ZNF765: variants seen among roughly 807,000 people sequenced by gnomAD.
The protein encoded by ZNF765 is zinc finger protein 765.
ZNF765 carries 37 observed loss-of-function variants against 44.7 expected under a neutral mutation model. The ratio of observed to expected loss-of-function variants is 0.83; its 90% CI spans 0.64 to 1.09. ZNF765 has a LOEUF of 1.09. Ranked by LOEUF, ZNF765 falls within the 50% of genes least tolerant of loss-of-function variation. The probability of loss-of-function intolerance (pLI) is 0.00; values close to 1 mark genes in which losing one functional copy is unlikely to be tolerated. For synonymous variants in ZNF765, 201 were observed against 213.7 expected (o/e 0.94, Z 0.52); for missense variants, 594 against 626.1 (o/e 0.95, Z 0.55).
chr19:53,402,216 A>C, intron 3 of ZNF765, 25 bp downstream of exon 3: 1 of 1,368,016 alleles, frequency 7.3e-7, no homozygotes, highest in Non-Finnish European at 1.0e-6. Flanking sequence ...CCTCCTGGGG[A>C]TGTGCCCTTG....
At chr19:53,415,018 TC>T (rs748218947), downstream of ZNF765, among the ~76,000 whole-genome samples, 4 of 152,158 alleles carry the variant, frequency 2.6e-5, no homozygotes, top group Non-Finnish European at 4.4e-5. Context: ...ACACCTGTAA[TC>T]CCAGCACTTT....
chr19:53,409,723 C>T lies in ZNF765; in HGVS notation c.*596C>T. The T allele has an allele frequency of 1.0e-6, 1 of 991,696 alleles. No homozygotes were observed. Among genetic ancestry groups the T allele is most frequent in the Admixed American group, 1.7e-5 (1 of 57,558 alleles). The allele number at this position is 991,696 out of a possible 1,614,324, so 61.4% of individuals were successfully genotyped here. On this transcript the variant is annotated 3_prime_UTR_variant, in exon 4 of 4. Coordinates refer to ENST00000396408, the MANE Select transcript of ZNF765 (RefSeq NM_001040185.3). Reference sequence around the variant, plus strand: ...ACAAATGTAATGAGTGTGGCAAGACCTTTAGTCAGAACTCATACCTTACAT... The same window carrying T: ...ACAAATGTAATGAGTGTGGCAAGACTTTTAGTCAGAACTCATACCTTACAT...
Position 53,409,102 on chromosome 19 carries a change from A to G in ZNF765, c.1547A>G (p.Tyr516Cys), listed in dbSNP as rs193292225. The change falls in exon 4 of 4, where the codon TAT (tyrosine) becomes TGT (cysteine). Residue 516 changes from tyrosine to cysteine, a missense_variant. Physicochemically the swap from Tyr to Cys is radical, Grantham distance 194. Coordinates refer to ENST00000396408, the MANE Select transcript of ZNF765 (RefSeq NM_001040185.3). ...KSNLERHRRI[Y>C]TGEKLHV ...AACCTTGAAAGACATAGGAGAATTTATACTGGAGAGAAACTACACGTGTAA... is the reference window on the plus strand; with the variant it reads ...AACCTTGAAAGACATAGGAGAATTTGTACTGGAGAGAAACTACACGTGTAA... 1.2e-4 allele frequency: 188 copies of G among 1,613,862 alleles called. No homozygotes were observed. The African/African-American group carries it at 1.8e-3, about 16-fold the overall frequency.
chr19:53,407,031 AG>A lies in ZNF765; in HGVS notation c.143-666del, dbSNP rs919832674. On this transcript the variant is annotated intron_variant, in intron 3 of 3. Coordinates refer to ENST00000396408, the MANE Select transcript of ZNF765 (RefSeq NM_001040185.3). ...AACATTGTATTAACATTTTTTTTCA[AG>A]ATGGAATCTCACTTTGTCACCCAGG... is the stretch of plus-strand genomic sequence containing the variant. 4.5e-3 allele frequency among the ~76,000 whole-genome samples: 692 copies of A among 152,176 alleles called. 4 individuals carry two copies. The highest frequency in any genetic ancestry group is 0.015 in the African/African-American group (643 of 41,536).
At position 53,410,808 on chromosome 19, in the gene ZNF765, C is replaced by T. The variant is rs997565748; in HGVS notation, c.*1681C>T. 7 of 463,970 alleles carry T rather than the reference C, an allele frequency of 1.5e-5. No individual in the cohort carries two copies. Among genetic ancestry groups the T allele is most frequent in the Non-Finnish European group, 3.1e-5 (7 of 225,870 alleles). The allele number at this position is 463,970 out of a possible 1,614,324, so 28.7% of individuals were successfully genotyped here. On this transcript the variant is annotated 3_prime_UTR_variant, in exon 4 of 4. Transcript: ENST00000396408. The stretch of plus-strand genomic sequence containing the variant: ...CAGTCAAGCTTCATTCTATGCAAAA[C>T]ATAGGAGAATTCATACAGGAGAGAA...
downstream of ZNF765, among the ~76,000 whole-genome samples, chr19:53,414,484 CACACA>C (rs1568786085): frequency 5.5e-4 from 8 of 14,508 alleles, no homozygotes; most frequent in African/African-American, 2.6e-3. Context: ...CACACACACA[CACACA>C]CCCCCCCCCC....
At chr19:53,396,152 G>T (rs2085666942) in intron 1 of ZNF765, among the ~76,000 whole-genome samples, 2 of 152,148 alleles carry the variant, frequency 1.3e-5, no homozygotes, top group African/African-American at 2.4e-5. Context: ...TGGAGCCAGG[G>T]CAGACAGAGC....
chr19:53,425,168 C>T (rs188927833), exon 4 of ZNF765: 1 of 152,340 alleles, frequency 6.6e-6, no homozygotes, highest in Non-Finnish European at 1.5e-5. Context: ...ATGAAACGAG[C>T]CTTGTTAGTG....
At chr19:53,396,146 G>A (rs1568771972) in intron 1 of ZNF765, among the ~76,000 whole-genome samples, 1 of 152,134 alleles carries the variant, frequency 6.6e-6, no homozygotes, top group Non-Finnish European at 1.5e-5. Flanking sequence ...GGGATTTGGA[G>A]CCAGGGCAGA....
At position 53,408,713 on chromosome 19, in the gene ZNF765, T is replaced by C. The variant is rs752057179; in HGVS notation, c.1158T>C (p.Asn386=). The change falls in exon 4 of 4, where the codon AAT becomes AAC. Residue 386 remains asparagine (N), a synonymous_variant. Transcript: ENST00000396408. The part of the protein sequence containing the change: ...VHTGEKPYKC[N]ECSKTFSHKS... ...CTGGAGAGAAACCTTACAAGTGTAA[T>C]GAGTGTAGCAAGACCTTTAGTCACA... The C allele has an allele frequency of 3.3e-6, 5 of 1,532,836 alleles. No individual in the cohort carries two copies. The highest frequency in any genetic ancestry group is 1.2e-5 in the South Asian group (1 of 82,654). 95.0% of individuals were successfully genotyped at this position (1,532,836 alleles called of 1,614,324 possible). A position where few individuals can be genotyped will look rare whatever the true frequency, so the allele number is the denominator to read the frequency against.
chr19:53,419,962 G>A (rs1010319191), intron 3 of ZNF765, among the ~76,000 whole-genome samples: 1 of 151,846 alleles, frequency 6.6e-6, no homozygotes, highest in African/African-American at 2.4e-5. Flanking sequence ...CGAAGGTTGT[G>A]GTGAGCCGAG....
At position 53,400,783 on chromosome 19, in the gene ZNF765, T is replaced by TATATATATATATATATATATATATACAC. The variant is rs10664389; in HGVS notation, c.16-1281_16-1280insTATATATATATATATATATATATACACA. Among the ~76,000 whole-genome samples, 380 of 126,604 alleles carry TATATATATATATATATATATATATACAC rather than the reference T, an allele frequency of 3.0e-3. 1 individual carries two copies. Among genetic ancestry groups the TATATATATATATATATATATATATACAC allele is most frequent in the Non-Finnish European group, 5.1e-3 (307 of 60,686 alleles). 83.1% of individuals were successfully genotyped at this position (126,604 alleles called of 152,430 possible). A position where few individuals can be genotyped will look rare whatever the true frequency, so the allele number is the denominator to read the frequency against. On this transcript the variant is annotated intron_variant, in intron 2 of 3. Coordinates refer to ENST00000396408, the MANE Select transcript of ZNF765 (RefSeq NM_001040185.3). ...GTTGACATATATATATATATATATA[T>TATATATATATATATATATATATATACAC]ACACACATACATAAAATGGATTTTC...
In ZNF765 at chr19:53,409,286, C is replaced by A; in HGVS notation, c.*159C>A. 1.0e-6 allele frequency: 1 copy of A among 979,584 alleles called. No individual in the cohort carries two copies. Among genetic ancestry groups the A allele is most frequent in the South Asian group, 1.3e-5 (1 of 77,164 alleles). The allele number at this position is 979,584 out of a possible 1,614,324, so 60.7% of individuals were successfully genotyped here. A position where few individuals can be genotyped will look rare whatever the true frequency, so the allele number is the denominator to read the frequency against. ...AAAATTCGTACTGAAGAGAATCTTA[C>A]AAGTGTAATGAGTGTGGCAAGACCT... On this transcript the variant is annotated 3_prime_UTR_variant, in exon 4 of 4. Transcript: ENST00000396408.
chr19:53,400,781 T>TATATATATATATATATATATATAC (rs1056453225), intron 2 of ZNF765, among the ~76,000 whole-genome samples: 1 of 70,798 alleles, frequency 1.4e-5, no homozygotes, highest in African/African-American at 5.2e-5. Flanking sequence ...TATATATATA[T>TATATATATATATATATATATATAC]ATACACACAT....
At chr19:53,413,191 G>C, downstream of ZNF765, 1 of 580,016 alleles carries the variant, frequency 1.7e-6, no homozygotes, top group South Asian at 1.4e-5. Flanking sequence ...CCTCTCACCA[G>C]ATCTTCTTAT....
chr19:53,398,907 G>A (rs549081287), intron 2 of ZNF765, among the ~76,000 whole-genome samples: 7 of 151,836 alleles, frequency 4.6e-5, no homozygotes, highest in Admixed American at 1.3e-4. Flanking sequence ...GCACCACCAC[G>A]CCCAGCTAAT....
At chr19:53,402,874 T>TA (rs2147092567) in intron 3 of ZNF765, among the ~76,000 whole-genome samples, 1 of 152,128 alleles carries the variant, frequency 6.6e-6, no homozygotes, top group South Asian at 2.1e-4. Flanking sequence ...GCTTTTATTT[T>TA]AAAAATTTTT....
chr19:53,413,479 A>C (rs1487795101), downstream of ZNF765: 13 of 396,528 alleles, frequency 3.3e-5, no homozygotes, highest in African/African-American at 2.1e-5. Flanking sequence ...TTTCTCTCTG[A>C]ATCTGTTAGG....
Position 53,407,957 on chromosome 19 carries a change from G to A in ZNF765, c.402G>A (p.Lys134=), listed in dbSNP as rs1182789963. ...ERYDQNYAGN[K]PVKYQLGFSF... The stretch of plus-strand genomic sequence containing the variant: ...ATGATCAAAATTATGCTGGAAACAA[G>A]CCTGTTAAATATCAGCTTGGATTCA... The change falls in exon 4 of 4, where the codon AAG becomes AAA. Residue 134 remains lysine, a synonymous_variant. Transcript: ENST00000396408. The A allele has an allele frequency of 1.9e-6, 3 of 1,614,162 alleles. No individual in the cohort carries two copies. Among genetic ancestry groups the A allele is most frequent in the South Asian group, 2.2e-5 (2 of 91,078 alleles).
Sources: gnomAD v4.1 joint callset for allele counts (sites outside exome capture counted in the v4.1 genomes callset) on GRCh38, gnomAD v4.1.1 for gene constraint, MANE v1.5 for transcripts, NCBI Gene and HGNC (gene_info 2026-07-23, HGNC 2026-07-21) for gene names.